Variants in DAZAP1 observed in about 807,000 individuals in gnomAD.
DAZAP1 encodes the protein DAZ-associated protein 1.
Under a neutral mutation model 60.1 loss-of-function variants are expected in DAZAP1, and 6 were observed. The observed-to-expected ratio is 0.10, with a 90% CI of 0.05 to 0.20. The LOEUF is 0.20. Among genes scored for constraint, DAZAP1 ranks in the 10% least tolerant of loss-of-function variants. The probability of loss-of-function intolerance (pLI) is 1.00; values close to 1 mark genes in which losing one functional copy is unlikely to be tolerated. For synonymous variants in DAZAP1, 235 were observed against 215.9 expected (o/e 1.09, Z -0.78); for missense variants, 366 against 560.4 (o/e 0.65, Z 3.50).
intron 6 of DAZAP1, among the ~76,000 whole-genome samples, chr19:1,424,459 C>A (rs969564789): frequency 1.7e-4 from 25 of 151,092 alleles, no homozygotes; most frequent in African/African-American, 5.6e-4. Flanking sequence ...ACCACAGTGA[C>A]CTTTGTCCCC....
Position 1,432,499 on chromosome 19 carries a change from C to G in DAZAP1, c.872-15C>G, listed in dbSNP as rs762622079. 1.2e-6 allele frequency: 2 copies of G among 1,613,684 alleles called. No individual in the cohort carries two copies. The highest frequency in any genetic ancestry group is 2.7e-5 in the African/African-American group (2 of 74,996). On this transcript the variant is annotated splice_polypyrimidine_tract_variant and intron_variant, in intron 10 of 11. Transcript: ENST00000233078. This position sits in a 1 kb window ranked among gnomAD's most constrained non-coding sequence, Gnocchi z 4.9. ...CACAACGTGTCTTGTGCCTTGCCCT[C>G]TTGTACCTCTGCAGGTTTTGGCTAC...
chr19:1,412,623 T>C (rs993245246), intron 1 of DAZAP1, among the ~76,000 whole-genome samples: 1 of 152,028 alleles, frequency 6.6e-6, no homozygotes, highest in Non-Finnish European at 1.5e-5. Context: ...TGCCAGGAGG[T>C]CAGGGCTCTT....
At position 1,415,394 on chromosome 19, in the gene DAZAP1, G is replaced by GTTT. The variant is rs3837987; in HGVS notation, c.30-2091_30-2089dup. On this transcript the variant is annotated intron_variant, in intron 1 of 11. Transcript: ENST00000233078. ...GTGTGTGTGTGTGTGTGTGTGTTTTGTTTTTTTTTTTTTTTTTGAGAACTG... is the reference window on the plus strand; with the variant it reads ...GTGTGTGTGTGTGTGTGTGTGTTTTGTTTTTTTTTTTTTTTTTTTTGAGAACTG... Among the ~76,000 whole-genome samples, 18 of 69,820 alleles carry GTTT rather than the reference G, an allele frequency of 2.6e-4. 3 individuals are homozygous for GTTT. The highest frequency in any genetic ancestry group is 1.2e-3 in the Admixed American group (8 of 6,450). 45.8% of individuals were successfully genotyped at this position (69,820 alleles called of 152,430 possible).
At position 1,425,786 on chromosome 19, in the gene DAZAP1, G is replaced by A. The variant is rs2083293160; in HGVS notation, c.464-92G>A. On this transcript the variant is annotated intron_variant, in intron 6 of 11. Coordinates refer to ENST00000233078, the MANE Select transcript of DAZAP1 (RefSeq NM_018959.4). This position sits in a 1 kb window ranked among gnomAD's most constrained non-coding sequence, Gnocchi z 5.4. Reference sequence around the variant, plus strand: ...ACACACAGCTTAGCTGAAACCCAAGGTCGATCCCTCGGCCCGTCCCTAATA... The same window carrying A: ...ACACACAGCTTAGCTGAAACCCAAGATCGATCCCTCGGCCCGTCCCTAATA... 17 of 931,214 alleles carry A rather than the reference G, an allele frequency of 1.8e-5. No homozygotes were observed. The highest frequency in any genetic ancestry group is 2.1e-4 in the Middle Eastern group (1 of 4,676). 57.7% of individuals were successfully genotyped at this position (931,214 alleles called of 1,614,324 possible).
chr19:1,411,775 G>A (rs576328680), intron 1 of DAZAP1, among the ~76,000 whole-genome samples: 18 of 152,360 alleles, frequency 1.2e-4, no homozygotes, highest in Admixed American at 7.8e-4. Context: ...TGGAAGATCC[G>A]GAGCTGGGAG....
intron 7 of DAZAP1, chr19:1,427,511 C>T (rs1282117020): frequency 6.6e-6 from 1 of 152,248 alleles, no homozygotes; most frequent in Non-Finnish European, 1.5e-5. Flanking sequence ...TGTTTGGTAC[C>T]GCGTGGTAGT....
Position 1,424,688 on chromosome 19 carries a change from G to A in DAZAP1, c.464-1190G>A, listed in dbSNP as rs544050912. ...CGTTCACGCCTCACGCCCGTGCTGC[G>A]CTGTCCCCTGCTGTGTGGTGCCTTG... On this transcript the variant is annotated intron_variant, in intron 6 of 11. Transcript: ENST00000233078. Among the ~76,000 whole-genome samples the A allele has an allele frequency of 5.9e-5, 9 of 152,068 alleles. No individual in the cohort carries two copies. The South Asian group carries it at 1.5e-3, about 25-fold the overall frequency.
intron 6 of DAZAP1, among the ~76,000 whole-genome samples, chr19:1,424,856 C>G (rs2083267001): frequency 1.3e-5 from 2 of 152,184 alleles, no homozygotes; most frequent in Admixed American, 1.3e-4. Context: ...CGCCTGGGCC[C>G]CGCCTCGGGA....
intron 6 of DAZAP1, among the ~76,000 whole-genome samples, chr19:1,424,816 G>A (rs922460196): frequency 2.6e-5 from 4 of 152,160 alleles, no homozygotes; most frequent in African/African-American, 4.8e-5. Context: ...GCTGTCTGCC[G>A]GGCACTTCCA....
chr19:1,412,229 C>T (rs113383083), intron 1 of DAZAP1, among the ~76,000 whole-genome samples: 3 of 152,256 alleles, frequency 2.0e-5, no homozygotes, highest in African/African-American at 7.2e-5. Context: ...GCATCTGACC[C>T]TGCTGGGGAG....
At chr19:1,412,188 C>G (rs1245255204) in intron 1 of DAZAP1, among the ~76,000 whole-genome samples, 6 of 152,148 alleles carry the variant, frequency 3.9e-5, no homozygotes, top group African/African-American at 1.2e-4. Flanking sequence ...TCTGTGGACC[C>G]CACACCCTGC....
Position 1,428,991 on chromosome 19 carries a change from G to C in DAZAP1, c.696G>C (p.Pro232=). The change falls in exon 8 of 12, where the codon CCG becomes CCC. Residue 232 remains proline, a synonymous_variant. Transcript: ENST00000233078. The surrounding 1 kb of genome is among the most constrained non-coding windows in gnomAD (Gnocchi z 4.0). ...PPPTWQQGYG[P]QGMWVPAGQA... is the part of the protein sequence containing the mutation. ...CCACGTGGCAGCAAGGATATGGCCC[G>C]CAAGGTAAGGCTGATGCAGAGGTGC... 1 of 1,587,760 alleles carries C rather than the reference G, an allele frequency of 6.3e-7. No homozygotes were observed. Among genetic ancestry groups the C allele is most frequent in the Non-Finnish European group, 8.6e-7 (1 of 1,167,570 alleles).
intron 4 of DAZAP1, among the ~76,000 whole-genome samples, chr19:1,420,905 G>A (rs1302634807): frequency 1.3e-5 from 2 of 152,188 alleles, no homozygotes. Context: ...TCGTGGGTCC[G>A]TTTAGCTGAA....
At chr19:1,420,716 G>A (rs568236625) in intron 4 of DAZAP1, among the ~76,000 whole-genome samples, 1 of 152,304 alleles carries the variant, frequency 6.6e-6, no homozygotes, top group African/African-American at 2.4e-5. Context: ...GGAGGTTTCC[G>A]TAGCCATCAT....
At chr19:1,421,453 C>T (rs776100951) in intron 5 of DAZAP1, among the ~76,000 whole-genome samples, 195 bp downstream of exon 5, 9 of 152,392 alleles carry the variant, frequency 5.9e-5, no homozygotes, top group South Asian at 2.1e-4. Context: ...ATGGCCATTT[C>T]GTGTCCCAGT....
intron 1 of DAZAP1, among the ~76,000 whole-genome samples, chr19:1,412,202 C>T (rs536968085): frequency 9.9e-5 from 15 of 152,150 alleles, no homozygotes; most frequent in African/African-American, 3.1e-4. Context: ...ACCCTGCAGG[C>T]GTGGGCTGGA....
Position 1,422,275 on chromosome 19 carries a change from C to G in DAZAP1, c.415-73C>G. Reference sequence around the variant, plus strand: ...GTGCGAGAGTTTGGGTTCGTGGGAACAGGCTGTGCCCTCGGAAGACCACCT... The same window carrying G: ...GTGCGAGAGTTTGGGTTCGTGGGAAGAGGCTGTGCCCTCGGAAGACCACCT... On this transcript the variant is annotated intron_variant, in intron 5 of 11. Coordinates refer to ENST00000233078, the MANE Select transcript of DAZAP1 (RefSeq NM_018959.4). The surrounding 1 kb of genome is among the most constrained non-coding windows in gnomAD (Gnocchi z 4.5). 1 of 1,420,122 alleles carries G rather than the reference C, an allele frequency of 7.0e-7. No individual in the cohort carries two copies. The highest frequency in any genetic ancestry group is 9.9e-7 in the Non-Finnish European group (1 of 1,007,990). The allele number at this position is 1,420,122 out of a possible 1,614,324, so 88.0% of individuals were successfully genotyped here.
chr19:1,412,782 C>T (rs1416321588), intron 1 of DAZAP1, among the ~76,000 whole-genome samples: 1 of 152,224 alleles, frequency 6.6e-6, no homozygotes, highest in African/African-American at 2.4e-5. Context: ...CGCCGGCCAC[C>T]GTGGATTGAG....
At chr19:1,417,359 G>A in intron 1 of DAZAP1, 141 bp from the exon 2 acceptor site, 1 of 898,566 alleles carries the variant, frequency 1.1e-6, no homozygotes, top group Non-Finnish European at 1.8e-6. Flanking sequence ...ATTGCTGTGA[G>A]CTTTGTATGC....
Sources: gnomAD v4.1 joint callset for allele counts (sites outside exome capture counted in the v4.1 genomes callset) on GRCh38, gnomAD v4.1.1 for gene constraint, Gnocchi (gnomAD v3.1) non-coding constraint, MANE v1.5 for transcripts, NCBI Gene and HGNC (gene_info 2026-07-23, HGNC 2026-07-21) for gene names.